The following C13orf42 variants were observed in gnomAD, a reference collection of about 807,000 sequenced individuals.
The protein encoded by C13orf42 is uncharacterized protein C13orf42.
intron 1 of C13orf42, among the ~76,000 whole-genome samples, chr13:51,150,301 T>C (rs533769296): frequency 6.6e-6 from 1 of 152,340 alleles, no homozygotes; most frequent in East Asian, 1.9e-4. Flanking sequence ...GGTCATTGTA[T>C]GTCACAATTT....
intron 1 of C13orf42, among the ~76,000 whole-genome samples, chr13:51,141,187 G>A (rs1010008246): frequency 5.6e-5 from 8 of 142,608 alleles, no homozygotes; most frequent in African/African-American, 2.1e-4. Flanking sequence ...GGGATTTTTT[G>A]TTTTTCTCTC....
intron 1 of C13orf42, among the ~76,000 whole-genome samples, chr13:51,100,627 T>A (rs916251200): frequency 6.6e-6 from 1 of 152,190 alleles, no homozygotes; most frequent in Admixed American, 6.5e-5. Context: ...TACTGCAATT[T>A]ATCTATCAAA....
intron 1 of C13orf42, among the ~76,000 whole-genome samples, chr13:51,141,621 A>C (rs1953696880): frequency 6.6e-6 from 1 of 152,008 alleles, no homozygotes; most frequent in African/African-American, 2.4e-5. Flanking sequence ...AACATGGTGA[A>C]ACTCCATCTC....
chr13:51,166,940 G>C (rs1953906732), intron 1 of C13orf42, among the ~76,000 whole-genome samples: 1 of 152,040 alleles, frequency 6.6e-6, no homozygotes, highest in Non-Finnish European at 1.5e-5. Context: ...TTAGCTATGT[G>C]TGGTGGTGCG....
chr13:51,108,823 T>C (rs1421442789), intron 1 of C13orf42, among the ~76,000 whole-genome samples: 1 of 152,194 alleles, frequency 6.6e-6, no homozygotes, highest in East Asian at 1.9e-4. Flanking sequence ...TGCGCTGTGG[T>C]GAGAGGCATC....
chr13:51,133,979 G>A (rs9596464), intron 1 of C13orf42, among the ~76,000 whole-genome samples: 34,762 of 151,960 alleles, frequency 0.23, 4,464 homozygotes, highest in African/African-American at 0.35. Flanking sequence ...GCAGGCATCC[G>A]CACACCTGCA....
chr13:51,090,299 TAA>T (rs1397243711), intron 1 of C13orf42, among the ~76,000 whole-genome samples: 1 of 152,206 alleles, frequency 6.6e-6, no homozygotes, highest in African/African-American at 2.4e-5. Flanking sequence ...TCTCCTGGGC[TAA>T]GTTTCCATCC....
At chr13:51,100,200 A>T (rs1271151285) in intron 1 of C13orf42, among the ~76,000 whole-genome samples, 4 of 152,226 alleles carry the variant, frequency 2.6e-5, no homozygotes, top group Admixed American at 2.6e-4. Context: ...AACTATTAAA[A>T]AAAGGATAAT....
At chr13:51,144,081 T>G (rs1344750691) in intron 1 of C13orf42, among the ~76,000 whole-genome samples, 1 of 152,106 alleles carries the variant, frequency 6.6e-6, no homozygotes, top group Non-Finnish European at 1.5e-5. Flanking sequence ...AATGGACAAT[T>G]GTTGTCTTGT....
intron 1 of C13orf42, among the ~76,000 whole-genome samples, chr13:51,104,917 G>C (rs533789264): frequency 6.6e-6 from 1 of 152,276 alleles, no homozygotes; most frequent in South Asian, 2.1e-4. Context: ...AATGAGACAG[G>C]CACACACAGA....
chr13:51,123,820 A>T (rs931282319), intron 1 of C13orf42, among the ~76,000 whole-genome samples: 19 of 152,230 alleles, frequency 1.2e-4, no homozygotes, highest in Non-Finnish European at 8.8e-5. Context: ...AACTGAGCCC[A>T]TCTTGCTTCT....
rs2137969059 is a variant in C13orf42 at position 51,083,599 on chromosome 13, C to T, written c.*552G>A. On this transcript the variant is annotated 3_prime_UTR_variant, in exon 4 of 4. Coordinates refer to ENST00000563710, the MANE Select transcript of C13orf42 (RefSeq NM_001351589.3). The stretch of plus-strand genomic sequence containing the variant: ...GCATTAGCCTCATCTTAGCTTAATG[C>T]AGCAGGAGTTTCTGGAAAACTCTGA... 6.6e-6 allele frequency: 1 copy of T among 150,828 alleles called. No individual in the cohort carries two copies. The highest frequency in any genetic ancestry group is 2.1e-4 in the South Asian group (1 of 4,682). 9.3% of individuals were successfully genotyped at this position (150,828 alleles called of 1,614,324 possible).
chr13:51,171,056 C>G (rs2138057431), intron 1 of C13orf42, among the ~76,000 whole-genome samples: 1 of 152,088 alleles, frequency 6.6e-6, no homozygotes, highest in Admixed American at 6.5e-5. Flanking sequence ...CTCTGCTTTT[C>G]TGGAGGGCAA....
chr13:51,096,549 AG>A (rs1331179335), intron 1 of C13orf42, among the ~76,000 whole-genome samples: 1 of 152,214 alleles, frequency 6.6e-6, no homozygotes, highest in African/African-American at 2.4e-5. Flanking sequence ...AACATTAACA[AG>A]ATTATTTATT....
intron 1 of C13orf42, among the ~76,000 whole-genome samples, chr13:51,156,598 GGT>G (rs1953825695): frequency 6.6e-6 from 1 of 152,114 alleles, no homozygotes; most frequent in South Asian, 2.1e-4. Context: ...CTTGTTATAA[GGT>G]CTCTTTAAAC....
intron 1 of C13orf42, among the ~76,000 whole-genome samples, chr13:51,132,661 C>G (rs1420246053): frequency 6.6e-6 from 1 of 151,984 alleles, no homozygotes; most frequent in Non-Finnish European, 1.5e-5. Flanking sequence ...CCCTCTGCAA[C>G]CCTTAGGATT....
chr13:51,107,414 G>A (rs910553630), intron 1 of C13orf42, among the ~76,000 whole-genome samples: 2 of 152,208 alleles, frequency 1.3e-5, no homozygotes, highest in Non-Finnish European at 2.9e-5. Context: ...TTTCGTTTGT[G>A]TGTTTGGGTA....
intron 1 of C13orf42, among the ~76,000 whole-genome samples, chr13:51,164,356 T>C (rs1445739424): frequency 1.3e-5 from 2 of 152,146 alleles, no homozygotes; most frequent in Admixed American, 1.3e-4. Context: ...TACTGAATAA[T>C]GCACCATTAA....
chr13:51,096,210 A>G (rs1331657159), intron 1 of C13orf42, among the ~76,000 whole-genome samples: 1 of 152,150 alleles, frequency 6.6e-6, no homozygotes, highest in Non-Finnish European at 1.5e-5. Context: ...CTGCTTTCCT[A>G]AAGAGAGGGT....
Sources: allele counts gnomAD v4.1 joint callset (sites outside exome capture counted in the v4.1 genomes callset), GRCh38; gene constraint gnomAD v4.1.1; transcripts MANE v1.5; gene names NCBI Gene and HGNC (gene_info 2026-07-23, HGNC 2026-07-21).